Variants in MACROD2 observed in about 807,000 individuals in gnomAD.
MACROD2 encodes mono-ADP ribosylhydrolase 2.
A neutral mutation model predicts 70.4 loss-of-function variants in MACROD2; 36 were observed. The observed-to-expected ratio is 0.51, with a 90% confidence interval of 0.39 to 0.68. The LOEUF is 0.68. MACROD2 is among the 30% of genes least tolerant of loss of function. MACROD2 has a pLI of 0.00. For missense variants in MACROD2, 496 were observed against 538.4 expected, an observed-to-expected ratio of 0.92 and a Z score of 0.78; for synonymous variants, 172 against 178.8, an observed-to-expected ratio of 0.96 and a Z score of 0.30.
chr20:14,544,311 G>T (rs1195749741), intron 4 of MACROD2, among the ~76,000 whole-genome samples: 2 of 151,282 alleles, frequency 1.3e-5, no homozygotes, highest in East Asian at 3.9e-4. Flanking sequence ...ACTTTTTATG[G>T]GTGGCAGCAT....
chr20:14,733,261 C>T (rs764442770), intron 5 of MACROD2, among the ~76,000 whole-genome samples: 1 of 152,074 alleles, frequency 6.6e-6, no homozygotes, highest in Non-Finnish European at 1.5e-5. Flanking sequence ...ATAAGTCCTC[C>T]AAAGGACAAT....
At chr20:15,900,155 C>T (rs1195132978) in intron 10 of MACROD2, among the ~76,000 whole-genome samples, 1 of 152,006 alleles carries the variant, frequency 6.6e-6, no homozygotes, top group East Asian at 1.9e-4. Context: ...ATTTTTTTGA[C>T]AAGTGCAGTG....
intron 4 of MACROD2, among the ~76,000 whole-genome samples, chr20:14,593,777 TAG>T (rs1301013631): frequency 2.0e-5 from 3 of 152,222 alleles, no homozygotes; most frequent in African/African-American, 7.2e-5. Flanking sequence ...AATATGTATA[TAG>T]AGTCTATTTA....
chr20:15,513,580 G>A (rs1406051401), intron 8 of MACROD2, among the ~76,000 whole-genome samples: 1 of 152,150 alleles, frequency 6.6e-6, no homozygotes, highest in Non-Finnish European at 1.5e-5. Context: ...GTGTGTGCGT[G>A]CACGTGTGTG....
intron 5 of MACROD2, among the ~76,000 whole-genome samples, chr20:14,804,165 A>C (rs557022812): frequency 1.3e-5 from 2 of 152,242 alleles, no homozygotes; most frequent in African/African-American, 4.8e-5. Flanking sequence ...ATCACCATTC[A>C]AAAACCAAAT....
At chr20:15,533,247 TG>T (rs1263551417) in intron 8 of MACROD2, among the ~76,000 whole-genome samples, 1 of 152,164 alleles carries the variant, frequency 6.6e-6, no homozygotes, top group African/African-American at 2.4e-5. Flanking sequence ...CAGAATAAAA[TG>T]GTATTTTCCT....
intron 17 of MACROD2, among the ~76,000 whole-genome samples, chr20:16,045,855 T>C (rs1035244649): frequency 1.3e-5 from 2 of 152,156 alleles, no homozygotes; most frequent in African/African-American, 4.8e-5. Flanking sequence ...CTAGTCATGC[T>C]AAGCCTCCTT....
intron 2 of MACROD2, among the ~76,000 whole-genome samples, chr20:14,031,195 A>T (rs1315424715): frequency 6.6e-6 from 1 of 152,194 alleles, no homozygotes; most frequent in East Asian, 1.9e-4. Context: ...GGGTTGTAAC[A>T]TTCTCTTAAA....
chr20:14,956,371 T>C (rs1057254601), intron 5 of MACROD2, among the ~76,000 whole-genome samples: 5 of 152,156 alleles, frequency 3.3e-5, no homozygotes, highest in African/African-American at 1.2e-4. Flanking sequence ...ATAGTAAAAA[T>C]GGCTTCTCTA....
intron 6 of MACROD2, among the ~76,000 whole-genome samples, chr20:15,251,770 A>T (rs1312399203): frequency 6.6e-6 from 1 of 152,188 alleles, no homozygotes; most frequent in East Asian, 1.9e-4. Flanking sequence ...ACTGATTCTT[A>T]ATCAAGTTAC....
At chr20:15,296,891 T>C (rs1268219215) in intron 6 of MACROD2, among the ~76,000 whole-genome samples, 1 of 152,218 alleles carries the variant, frequency 6.6e-6, no homozygotes, top group Non-Finnish European at 1.5e-5. Flanking sequence ...TTAAAAATGC[T>C]GCTTTAATGC....
At chr20:15,545,277 G>A (rs1384060309) in intron 8 of MACROD2, among the ~76,000 whole-genome samples, 1 of 152,188 alleles carries the variant, frequency 6.6e-6, no homozygotes, top group African/African-American at 2.4e-5. Flanking sequence ...TAATATGAAG[G>A]TTTCCTTAAA....
In MACROD2 at chr20:15,664,598, G is replaced by A. The variant is rs144439140; in HGVS notation, c.645+164751G>A. On this transcript the variant is annotated intron_variant, in intron 8 of 17. Coordinates refer to ENST00000684519, the MANE Select transcript of MACROD2 (RefSeq NM_001351661.2). ...TGCCTCAATAGCTCCACCTCAAAAC[G>A]TGTGTCCATCTGGGTTTGGCTCCTC... 3.9e-5 allele frequency among the ~76,000 whole-genome samples: 6 copies of A among 152,288 alleles called. No homozygotes were observed. The East Asian group carries it at 9.7e-4, about 25-fold the overall frequency.
chr20:15,592,936 C>T (rs1370558431), intron 8 of MACROD2, among the ~76,000 whole-genome samples: 1 of 152,134 alleles, frequency 6.6e-6, no homozygotes, highest in African/African-American at 2.4e-5. Context: ...TGGTGCACTT[C>T]AATCTCGGTA....
chr20:15,017,398 CT>C (rs1055825851), intron 5 of MACROD2, among the ~76,000 whole-genome samples: 1 of 152,214 alleles, frequency 6.6e-6, no homozygotes, highest in Admixed American at 6.5e-5. Context: ...ACCCCTGTGG[CT>C]TTGCAGGGTA....
At chr20:15,345,734 T>C (rs1163738912) in intron 6 of MACROD2, among the ~76,000 whole-genome samples, 2 of 152,316 alleles carry the variant, frequency 1.3e-5, no homozygotes, top group Non-Finnish European at 2.9e-5. Flanking sequence ...ACAGAGCTAG[T>C]GGCCATTGTA....
At chr20:15,688,468 T>C (rs2050256136) in intron 8 of MACROD2, among the ~76,000 whole-genome samples, 1 of 152,150 alleles carries the variant, frequency 6.6e-6, no homozygotes, top group African/African-American at 2.4e-5. Context: ...AGCAAACTCA[T>C]AGATAAGTGA....
intron 3 of MACROD2, among the ~76,000 whole-genome samples, chr20:14,396,607 G>A (rs1353362497): frequency 1.3e-5 from 2 of 152,074 alleles, no homozygotes; most frequent in Admixed American, 6.6e-5. Flanking sequence ...ATCTGTATCA[G>A]CCTATAGTTT....
rs553702767 is a variant in MACROD2, at chr20:13,999,880, T to C, written c.47-2408T>C. The stretch of plus-strand genomic sequence containing the variant: ...CCTGTAGCAGTCTGTGGTATTTCCC[T>C]TAGTGCACCTGTAGTCCCAGCTACT... On this transcript the variant is annotated intron_variant, in intron 1 of 17. Transcript: ENST00000684519. Among the ~76,000 whole-genome samples the C allele has an allele frequency of 2.0e-5, 3 of 152,246 alleles. No homozygotes were observed. The South Asian group carries it at 6.2e-4, about 32-fold the overall frequency.
Sources: allele counts gnomAD v4.1 joint callset (sites outside exome capture counted in the v4.1 genomes callset), GRCh38; gene constraint gnomAD v4.1.1; transcripts MANE v1.5; gene names NCBI Gene and HGNC (gene_info 2026-07-23, HGNC 2026-07-21).